ARHGEF19: variants seen among roughly 807,000 people sequenced by gnomAD.
ARHGEF19 encodes the protein Rho guanine nucleotide exchange factor (GEF) 19.
ARHGEF19 carries 92 observed loss-of-function variants against 87.6 expected under a neutral mutation model. The ratio of observed to expected loss-of-function variants is 1.05; its 90% CI spans 0.89 to 1.25. The LOEUF is 1.25. Ranked by LOEUF, ARHGEF19 falls within the 50% of genes most tolerant of loss-of-function variation. ARHGEF19 has a pLI of 0.00. For missense variants in ARHGEF19, 1,054 were observed against 1,051.8 expected (o/e 1.00, Z -0.03); for synonymous variants, 438 against 446.2 (o/e 0.98, Z 0.23).
At position 16,208,871 on chromosome 1, in the gene ARHGEF19, C is replaced by T; in HGVS notation, c.184G>A (p.Gly62Ser). The T allele has an allele frequency of 6.2e-7, 1 of 1,603,662 alleles. No homozygotes were observed. ...PVAPEELRAP[G>S]SRWSLGTPAP... ...GGGGTCCCCAGGGACCAGCGGCTGC[C>T]AGGAGCCCGAAGCTCCTCTGGGGCA... Residue 62 changes from glycine (G) to serine (S), a missense_variant, in exon 2 of 16, where the codon GGC (glycine) becomes AGC (serine). Transcript: ENST00000270747.
At position 16,204,974 on chromosome 1, in the gene ARHGEF19, A is replaced by G. The variant is rs1358963946; in HGVS notation, c.1747-55T>C. Reference sequence around the variant, plus strand: ...CCAGGGGCACCAGGCAGAGAGCACAAGATGGTAGATGGGAGGGTGTGGGCA... The same window carrying G: ...CCAGGGGCACCAGGCAGAGAGCACAGGATGGTAGATGGGAGGGTGTGGGCA... On this transcript the variant is annotated intron_variant, in intron 11 of 15. Transcript: ENST00000270747. The G allele has an allele frequency of 6.4e-6, 10 of 1,570,416 alleles. No individual in the cohort carries two copies. The East Asian group carries it at 2.3e-4, about 37-fold the overall frequency.
Position 16,202,585 on chromosome 1 carries a change from G to A in ARHGEF19, c.1908-11C>T, listed in dbSNP as rs185759524. 3.4e-5 allele frequency: 54 copies of A among 1,608,912 alleles called. No homozygotes were observed. Among genetic ancestry groups the A allele is most frequent in the African/African-American group, 2.7e-4 (20 of 74,990 alleles). Reference sequence around the variant, plus strand: ...GCAAACTTCCCTAGCCTGGAGGACCGGGGGAGGGGAGGTCAGCCTGGCCTG... The same window carrying A: ...GCAAACTTCCCTAGCCTGGAGGACCAGGGGAGGGGAGGTCAGCCTGGCCTG... On this transcript the variant is annotated splice_polypyrimidine_tract_variant and intron_variant, in intron 12 of 15. Transcript: ENST00000270747.
intron 14 of ARHGEF19, among the ~76,000 whole-genome samples, chr1:16,200,873 C>T (rs1236883248): frequency 6.6e-6 from 1 of 152,014 alleles, no homozygotes; most frequent in Non-Finnish European, 1.5e-5. Context: ...TGCACTCCAG[C>T]CTGGGGTACA....
rs193044595 is a variant in ARHGEF19, at chr1:16,200,828, G to A, written c.2146+954C>T. Among the ~76,000 whole-genome samples the A allele has an allele frequency of 2.5e-3, 377 of 152,314 alleles. 1 individual carries two copies. The highest frequency in any genetic ancestry group is 6.8e-3 in the Middle Eastern group (2 of 294). Reference sequence around the variant, plus strand: ...AGGCATAAGAATCACTTGAACCCAGGAGGTGGAGGTTGCAATGAGCAGAGA... The same window carrying A: ...AGGCATAAGAATCACTTGAACCCAGAAGGTGGAGGTTGCAATGAGCAGAGA... On this transcript the variant is annotated intron_variant, in intron 14 of 15. Transcript: ENST00000270747.
chr1:16,206,480 G>A lies in ARHGEF19; in HGVS notation c.1138-140C>T, dbSNP rs958452218. ...CCCCACTCCTAATCTGGCGCCGGGC[G>A]GGCCCGGCGACCCACGTCCCGCCGC... On this transcript the variant is annotated intron_variant, in intron 6 of 15. Coordinates refer to ENST00000270747, the MANE Select transcript of ARHGEF19 (RefSeq NM_153213.5). This position sits in a 1 kb window ranked among gnomAD's most constrained non-coding sequence, Gnocchi z 4.6. 47 of 938,388 alleles carry A rather than the reference G, an allele frequency of 5.0e-5. No individual in the cohort carries two copies. The highest frequency in any genetic ancestry group is 6.1e-5 in the Non-Finnish European group (38 of 620,744). 58.1% of individuals were successfully genotyped at this position (938,388 alleles called of 1,614,324 possible). A position where few individuals can be genotyped will look rare whatever the true frequency, so the allele number is the denominator to read the frequency against.
At chr1:16,208,312 G>A in intron 2 of ARHGEF19, 87 bp from the exon 3 acceptor site, 1 of 1,466,726 alleles carries the variant, frequency 6.8e-7, no homozygotes, top group Non-Finnish European at 9.1e-7. Context: ...GAGCACCTGG[G>A]GAGGTTCAGG....
At chr1:16,212,377 GCC>G (rs1365781408) in intron 1 of ARHGEF19, 123 bp downstream of exon 1, 1 of 152,402 alleles carries the variant, frequency 6.6e-6, no homozygotes, top group Non-Finnish European at 1.5e-5. Flanking sequence ...GGTTCACAGA[GCC>G]CCAGAAGGCC....
Position 16,199,234 on chromosome 1 carries a change from C to T in ARHGEF19, c.2167G>A (p.Val723Ile), listed in dbSNP as rs1223764279. ...GGGTGCAGTGCCTTGTATGTCCTAACACACTGAACCTGGGGGCAATCTGAC... is the reference window on the plus strand; with the variant it reads ...GGGTGCAGTGCCTTGTATGTCCTAATACACTGAACCTGGGGGCAATCTGAC... The part of the protein sequence containing the change: ...EGEDCPQVQC[V>I]RTYKALHPDE... The change falls in exon 15 of 16, where the codon GTT becomes ATT. Residue 723 changes from valine (V) to isoleucine (I), a missense_variant. Val to Ile is a conservative substitution (Grantham distance 29). Transcript: ENST00000270747. 1 of 1,613,974 alleles carries T rather than the reference C, an allele frequency of 6.2e-7. No homozygotes were observed. Among genetic ancestry groups the T allele is most frequent in the Non-Finnish European group, 8.5e-7 (1 of 1,179,924 alleles).
At position 16,198,635 on chromosome 1, in the gene ARHGEF19, A is replaced by T. The variant is rs1246882523; in HGVS notation, c.2361T>A (p.Asn787Lys). ...LSARLRNLRE[N>K]KRVTSATSKL... is the part of the protein sequence containing the mutation. ...TGCTGGTGGCACTTGTGACTCGCTT[A>T]TTCTCCCGGAGGTTTCGGAGGCGGG... Residue 787 changes from asparagine (N) to lysine (K), a missense_variant, in exon 16 of 16, where the codon AAT (asparagine) becomes AAA (lysine). By Grantham distance (94) the Asn-to-Lys change is moderately conservative. Transcript: ENST00000270747. This position sits in a 1 kb window ranked among gnomAD's most constrained non-coding sequence, Gnocchi z 4.1. 13 of 1,613,544 alleles carry T rather than the reference A, an allele frequency of 8.1e-6. No homozygotes were observed. The highest frequency in any genetic ancestry group is 1.1e-5 in the Non-Finnish European group (13 of 1,179,672).
chr1:16,208,254 C>T (rs771860231), intron 2 of ARHGEF19, 29 bp from the exon 3 acceptor site: 4 of 1,600,356 alleles, frequency 2.5e-6, no homozygotes, highest in African/African-American at 2.7e-5. Context: ...AGTGAGAGCA[C>T]GGGCTGGGGT....
chr1:16,211,131 G>A (rs146134121), intron 1 of ARHGEF19, among the ~76,000 whole-genome samples: 3 of 152,288 alleles, frequency 2.0e-5, no homozygotes, highest in Non-Finnish European at 2.9e-5. Context: ...CTCCTCATCC[G>A]GCAAATAGGA....
In ARHGEF19 at chr1:16,207,501, A is replaced by G; in HGVS notation, c.874+21T>C. The G allele has an allele frequency of 6.2e-7, 1 of 1,612,574 alleles. No homozygotes were observed. Among genetic ancestry groups the G allele is most frequent in the Admixed American group, 1.7e-5 (1 of 59,952 alleles). On this transcript the variant is annotated intron_variant, in intron 5 of 15. Transcript: ENST00000270747. The surrounding 1 kb of genome is among the most constrained non-coding windows in gnomAD (Gnocchi z 4.0). ...GCCCCTTCCTCCGTTACCTCCTCCC[A>G]GGGACCCCCCTCCCACGTACAGTTA... is the stretch of plus-strand genomic sequence containing the variant.
In ARHGEF19 at chr1:16,208,175, C is replaced by T. The variant is rs2081163502; in HGVS notation, c.463G>A (p.Ala155Thr). ...CCAGGCTCTAGGAAGACAGCGTGGG[C>T]CTCGGGGCAGCCGGGGACCTCTTCA... ...QREEVPGCPE[A>T]HAVFLEPGQV... The change falls in exon 3 of 16, where the codon GCC becomes ACC. Residue 155 changes from alanine to threonine, a missense_variant. Coordinates refer to ENST00000270747, the MANE Select transcript of ARHGEF19 (RefSeq NM_153213.5). 1.2e-6 allele frequency: 2 copies of T among 1,613,256 alleles called. No homozygotes were observed. The highest frequency in any genetic ancestry group is 1.3e-5 in the African/African-American group (1 of 74,928).
chr1:16,205,946 G>C lies in ARHGEF19; in HGVS notation c.1436C>G (p.Thr479Ser), dbSNP rs768065793. The change falls in exon 8 of 16, where the codon ACC becomes AGC. Residue 479 changes from threonine to serine, a missense_variant. Coordinates refer to ENST00000270747, the MANE Select transcript of ARHGEF19 (RefSeq NM_153213.5). This position sits in a 1 kb window ranked among gnomAD's most constrained non-coding sequence, Gnocchi z 5.8. ...CCAGCCCTACAGCAGGCGCTGGTAGGTGCGCTCCTGGTAGGCCTGGTTGGT... is the reference window on the plus strand; with the variant it reads ...CCAGCCCTACAGCAGGCGCTGGTAGCTGCGCTCCTGGTAGGCCTGGTTGGT... ...YVTNQAYQER[T>S]YQRLLLENPR... 9 of 1,609,892 alleles carry C rather than the reference G, an allele frequency of 5.6e-6. No homozygotes were observed. In the African/African-American group the frequency reaches 1.2e-4, roughly 22 times the overall value.
In ARHGEF19 at chr1:16,204,816, C is replaced by A. The variant is rs771497780; in HGVS notation, c.1850G>T (p.Ser617Ile). ...GAAGAGGTGGAGGTAGACTGCCTTG[C>A]TGGACAGCTTCAGCTTGGCAGGGGG... ...AAPPAKLKLS[S>I]KAVYLHLFND... The change falls in exon 12 of 16, where the codon AGC (serine) becomes ATC (isoleucine). Residue 617 changes from serine to isoleucine, a missense_variant. Physicochemically the swap from Ser to Ile is moderately radical, Grantham distance 142 (BLOSUM62 -2). Transcript: ENST00000270747. 1 of 1,612,582 alleles carries A rather than the reference C, an allele frequency of 6.2e-7. No individual in the cohort carries two copies. Among genetic ancestry groups the A allele is most frequent in the Non-Finnish European group, 8.5e-7 (1 of 1,179,264 alleles).
chr1:16,204,583 G>T (rs549014935), intron 12 of ARHGEF19, among the ~76,000 whole-genome samples, 176 bp downstream of exon 12: 1 of 152,314 alleles, frequency 6.6e-6, no homozygotes, highest in African/African-American at 2.4e-5. Context: ...ACATGGACTT[G>T]TCTCACATCT....
At position 16,205,736 on chromosome 1, in the gene ARHGEF19, C is replaced by T. The variant is rs1028939366; in HGVS notation, c.1452-69G>A. 3 of 1,533,578 alleles carry T rather than the reference C, an allele frequency of 2.0e-6. No individual in the cohort carries two copies. The highest frequency in any genetic ancestry group is 2.6e-6 in the Non-Finnish European group (3 of 1,140,200). The allele number at this position is 1,533,578 out of a possible 1,614,324, so 95.0% of individuals were successfully genotyped here. A position where few individuals can be genotyped will look rare whatever the true frequency, so the allele number is the denominator to read the frequency against. On this transcript the variant is annotated intron_variant, in intron 8 of 15. Transcript: ENST00000270747. This position sits in a 1 kb window ranked among gnomAD's most constrained non-coding sequence, Gnocchi z 5.8. ...TCCTGGGATCCACAACCCTGGCCAT[C>T]CACGGGGTCCTCAGGGGGCTTCTCA...
chr1:16,198,492 A>G lies in ARHGEF19; in HGVS notation c.*95T>C. ...GCCAAGGCCACAGAAGCGAAGTGCC[A>G]GCAGGAGCAGCTTGGGGAATGGAGA... On this transcript the variant is annotated 3_prime_UTR_variant, in exon 16 of 16. Coordinates refer to ENST00000270747, the MANE Select transcript of ARHGEF19 (RefSeq NM_153213.5). The surrounding 1 kb of genome is among the most constrained non-coding windows in gnomAD (Gnocchi z 4.1). 1.4e-6 allele frequency: 2 copies of G among 1,431,968 alleles called. No individual in the cohort carries two copies. Among genetic ancestry groups the G allele is most frequent in the South Asian group, 1.6e-5 (1 of 61,328 alleles). 88.7% of individuals were successfully genotyped at this position (1,431,968 alleles called of 1,614,324 possible).
At chr1:16,204,668 G>A in intron 12 of ARHGEF19, 91 bp downstream of exon 12, 1 of 1,425,602 alleles carries the variant, frequency 7.0e-7, no homozygotes, top group Non-Finnish European at 9.3e-7. Flanking sequence ...GGACTCCCAG[G>A]CCCAGGGATG....
Sources: gnomAD v4.1 joint callset for allele counts (sites outside exome capture counted in the v4.1 genomes callset) on GRCh38, gnomAD v4.1.1 for gene constraint, Gnocchi (gnomAD v3.1) non-coding constraint, MANE v1.5 for transcripts, NCBI Gene and HGNC (gene_info 2026-07-23, HGNC 2026-07-21) for gene names.